The following PCMTD1 variants were observed in gnomAD, a reference collection of about 807,000 sequenced individuals.
The protein encoded by PCMTD1 is protein-L-isoaspartate O-methyltransferase domain-containing protein 1.
In PCMTD1, 12 loss-of-function variants were observed where a neutral mutation model predicts 37.6. The ratio of observed to expected loss-of-function variants is 0.32; its 90% CI spans 0.20 to 0.52. The LOEUF is 0.52. Among genes scored for constraint, PCMTD1 ranks in the 20% least tolerant of loss-of-function variants. PCMTD1 has a pLI of 0.97. For missense variants in PCMTD1, 235 were observed against 421.3 expected (o/e 0.56, Z 3.87); for synonymous variants, 117 against 135.8 (o/e 0.86, Z 0.96).
At chr8:51,876,498 A>AT (rs1385538895) in intron 1 of PCMTD1, among the ~76,000 whole-genome samples, 1 of 152,226 alleles carries the variant, frequency 6.6e-6, no homozygotes, top group Admixed American at 6.5e-5. Context: ...ACCAGTAACC[A>AT]TAAGAAAATC....
intron 5 of PCMTD1, among the ~76,000 whole-genome samples, chr8:51,827,762 TAC>T (rs2037941551): frequency 6.6e-6 from 1 of 152,208 alleles, no homozygotes; most frequent in Non-Finnish European, 1.5e-5. Flanking sequence ...ATGAAATATT[TAC>T]AGATATATCA....
intron 1 of PCMTD1, chr8:51,896,426 T>C (rs2039002498): frequency 6.6e-6 from 1 of 152,190 alleles, no homozygotes; most frequent in Non-Finnish European, 1.5e-5. Flanking sequence ...AGGGCCCTCT[T>C]GGTATTCTTT....
At chr8:51,836,493 CCTG>C (rs1221787599) in intron 3 of PCMTD1, among the ~76,000 whole-genome samples, 3 of 151,810 alleles carry the variant, frequency 2.0e-5, no homozygotes, top group Admixed American at 6.6e-5. Context: ...AATTTATTTT[CCTG>C]CTGTCTTTGA....
At chr8:51,852,260 C>T (rs1190907593) in intron 2 of PCMTD1, among the ~76,000 whole-genome samples, 1 of 152,122 alleles carries the variant, frequency 6.6e-6, no homozygotes, top group African/African-American at 2.4e-5. Flanking sequence ...TGATAAAGTA[C>T]ACAAATGTAG....
chr8:51,860,151 T>C (rs751427994), intron 2 of PCMTD1, among the ~76,000 whole-genome samples: 3 of 152,234 alleles, frequency 2.0e-5, no homozygotes, highest in Non-Finnish European at 2.9e-5. Flanking sequence ...AACCTCCCAG[T>C]GCCTTCATTT....
chr8:51,833,480 C>G, intron 4 of PCMTD1, 38 bp downstream of exon 4: 1 of 1,531,378 alleles, frequency 6.5e-7, no homozygotes, highest in Non-Finnish European at 8.8e-7. Context: ...AATTTGCTTG[C>G]TTCCTAGGCC....
intron 2 of PCMTD1, among the ~76,000 whole-genome samples, chr8:51,846,416 T>A (rs747858098): frequency 3.3e-5 from 5 of 152,116 alleles, no homozygotes; most frequent in South Asian, 4.1e-4. Context: ...CCCCGAGAGA[T>A]GTTATTGGGC....
At chr8:51,891,688 A>G in intron 1 of PCMTD1, among the ~76,000 whole-genome samples, 1 of 74,204 alleles carries the variant, frequency 1.3e-5, no homozygotes, top group Non-Finnish European at 4.1e-5. Flanking sequence ...ATATATATAC[A>G]TATATATGTA....
At chr8:51,896,634 G>T (rs537835831) in intron 1 of PCMTD1, among the ~76,000 whole-genome samples, 1 of 152,148 alleles carries the variant, frequency 6.6e-6, no homozygotes, top group African/African-American at 2.4e-5. Context: ...TAAGATCAAG[G>T]AGTTTAAAAT....
intron 1 of PCMTD1, among the ~76,000 whole-genome samples, chr8:51,866,275 A>G (rs1355707512): frequency 6.6e-6 from 1 of 152,030 alleles, no homozygotes; most frequent in African/African-American, 2.4e-5. Flanking sequence ...TAAAATTCCA[A>G]TGACATTTTT....
At chr8:51,862,832 C>G (rs749887125) in intron 1 of PCMTD1, among the ~76,000 whole-genome samples, 1 of 152,140 alleles carries the variant, frequency 6.6e-6, no homozygotes, top group Non-Finnish European at 1.5e-5. Context: ...CATTCAAACT[C>G]ACTTATAAAA....
In PCMTD1 at chr8:51,868,148, T is replaced by TA. The variant is rs543481009; in HGVS notation, c.-95-6903dup. On this transcript the variant is annotated intron_variant, in intron 1 of 5. Transcript: ENST00000522514. Reference sequence around the variant, plus strand: ...TAGGATTTTAAGGAAAAACCAAAACTATAAAGAGAACTGTATTACTTGGTG... The same window carrying TA: ...TAGGATTTTAAGGAAAAACCAAAACTAATAAAGAGAACTGTATTACTTGGTG... Among the ~76,000 whole-genome samples, 418 of 152,206 alleles carry TA rather than the reference T, an allele frequency of 2.7e-3. 1 individual carries two copies. Among genetic ancestry groups the TA allele is most frequent in the Admixed American group, 8.8e-3 (135 of 15,282 alleles).
chr8:51,864,829 AG>A (rs2038526563), intron 1 of PCMTD1, among the ~76,000 whole-genome samples: 1 of 152,124 alleles, frequency 6.6e-6, no homozygotes, highest in East Asian at 1.9e-4. Flanking sequence ...ATTAGCAGAA[AG>A]AATGAGATAA....
intron 1 of PCMTD1, among the ~76,000 whole-genome samples, chr8:51,873,209 C>T (rs959807617): frequency 6.6e-5 from 10 of 152,100 alleles, no homozygotes; most frequent in Non-Finnish European, 1.3e-4. Flanking sequence ...CAAAGTATTA[C>T]CTGCACCATA....
chr8:51,893,564 G>A (rs1392549803), intron 1 of PCMTD1, among the ~76,000 whole-genome samples: 1 of 152,126 alleles, frequency 6.6e-6, no homozygotes, highest in Non-Finnish European at 1.5e-5. Context: ...TGAGAATATT[G>A]CAGCTCATTA....
At chr8:51,867,874 G>A (rs1168701094) in intron 1 of PCMTD1, among the ~76,000 whole-genome samples, 1 of 152,012 alleles carries the variant, frequency 6.6e-6, no homozygotes, top group Non-Finnish European at 1.5e-5. Context: ...CTGCTAGACA[G>A]GAGAAATACG....
At chr8:51,882,683 G>A (rs2038807440) in intron 1 of PCMTD1, among the ~76,000 whole-genome samples, 1 of 152,064 alleles carries the variant, frequency 6.6e-6, no homozygotes. Flanking sequence ...GAAAAGAACA[G>A]AAGACATATA....
In PCMTD1 at chr8:51,819,279, A is replaced by G. The variant is rs1022253931; in HGVS notation, c.*1072T>C. On this transcript the variant is annotated 3_prime_UTR_variant, in exon 6 of 6. Transcript: ENST00000522514. Reference sequence around the variant, plus strand: ...CATTTTCAAAACAAAGGGTATCTACATACAATTTCTGTGAATATTTCTTAT... The same window carrying G: ...CATTTTCAAAACAAAGGGTATCTACGTACAATTTCTGTGAATATTTCTTAT... The G allele has an allele frequency of 6.6e-6, 1 of 152,114 alleles. No individual in the cohort carries two copies. The highest frequency in any genetic ancestry group is 1.5e-5 in the Non-Finnish European group (1 of 68,024). 9.4% of individuals were successfully genotyped at this position (152,114 alleles called of 1,614,324 possible). A position where few individuals can be genotyped will look rare whatever the true frequency, so the allele number is the denominator to read the frequency against.
At chr8:51,886,670 A>G (rs1160425784) in intron 1 of PCMTD1, among the ~76,000 whole-genome samples, 1 of 152,162 alleles carries the variant, frequency 6.6e-6, no homozygotes, top group Non-Finnish European at 1.5e-5. Flanking sequence ...ATGTCATCTT[A>G]ATCTTTTGTT....
Sources: allele counts gnomAD v4.1 joint callset (sites outside exome capture counted in the v4.1 genomes callset), GRCh38; gene constraint gnomAD v4.1.1; transcripts MANE v1.5; gene names NCBI Gene and HGNC (gene_info 2026-07-23, HGNC 2026-07-21).